The following PTPRD variants were observed in gnomAD, a reference collection of about 807,000 sequenced individuals.
The protein encoded by PTPRD is receptor-type tyrosine-protein phosphatase delta.
In PTPRD, 34 loss-of-function variants were observed where a neutral mutation model predicts 214.5. That is an observed-to-expected ratio of 0.16 (90% confidence interval 0.12 to 0.21). The LOEUF is 0.21. Ranked by LOEUF, PTPRD falls within the 10% of genes least tolerant of loss-of-function variation. The pLI is 1.00. For synonymous variants in PTPRD, 1,128 were observed against 845.7 expected, an observed-to-expected ratio of 1.33 and a Z score of -5.79; for missense variants, 2,545 against 2,398.7, an observed-to-expected ratio of 1.06 and a Z score of -1.27.
chr9:9,712,841 C>G (rs1438883219), intron 7 of PTPRD, among the ~76,000 whole-genome samples: 1 of 152,096 alleles, frequency 6.6e-6, no homozygotes, highest in Non-Finnish European at 1.5e-5. Flanking sequence ...AGAGAAAAAA[C>G]TATTTTATGG....
chr9:10,085,991 C>G (rs900304144), intron 3 of PTPRD, among the ~76,000 whole-genome samples: 1 of 151,632 alleles, frequency 6.6e-6, no homozygotes, highest in African/African-American at 2.4e-5. Flanking sequence ...ATTAAGCAAC[C>G]AGTGGTGGTG....
At chr9:9,598,885 G>A (rs1421097246) in intron 7 of PTPRD, among the ~76,000 whole-genome samples, 1 of 151,954 alleles carries the variant, frequency 6.6e-6, no homozygotes, top group Non-Finnish European at 1.5e-5. Flanking sequence ...TCCTTCTGAA[G>A]CTTCAGAATT....
At chr9:9,423,734 A>C (rs1476809400) in intron 8 of PTPRD, among the ~76,000 whole-genome samples, 1 of 152,220 alleles carries the variant, frequency 6.6e-6, no homozygotes, top group East Asian at 1.9e-4. Context: ...CAGTAACTAT[A>C]ATTAAGAACC....
chr9:10,020,134 T>C (rs543756265), intron 4 of PTPRD, among the ~76,000 whole-genome samples: 365 of 152,290 alleles, frequency 2.4e-3, no homozygotes, highest in Non-Finnish European at 4.3e-3. Context: ...TTAATAAGAA[T>C]ACTATCTTCT....
intron 9 of PTPRD, among the ~76,000 whole-genome samples, chr9:9,183,875 A>G (rs1470059511): frequency 6.6e-6 from 1 of 152,040 alleles, no homozygotes; most frequent in Non-Finnish European, 1.5e-5. Context: ...GGAAAATTCC[A>G]TCTTATAAGC....
intron 5 of PTPRD, among the ~76,000 whole-genome samples, chr9:9,898,267 T>G (rs570284188): frequency 6.6e-6 from 1 of 152,172 alleles, no homozygotes; most frequent in South Asian, 2.1e-4. Context: ...AAAGTAACCA[T>G]TTCATTTTGG....
Position 10,098,236 on chromosome 9 carries a change from C to A in PTPRD, c.-544-64446G>T, listed in dbSNP as rs534096127. 2.1e-4 allele frequency among the ~76,000 whole-genome samples: 32 copies of A among 150,946 alleles called. No individual in the cohort carries two copies. The East Asian group carries it at 6.4e-3, about 30-fold the overall frequency. ...GAAACCGTCATTCTCAGCAAACTAT[C>A]GCAAGGACAAAAAACCAAACACCGC... On this transcript the variant is annotated intron_variant, in intron 3 of 45. Coordinates refer to ENST00000381196, the MANE Select transcript of PTPRD (RefSeq NM_002839.4).
chr9:8,411,435 C>G (rs961254246), intron 35 of PTPRD, among the ~76,000 whole-genome samples: 1 of 152,100 alleles, frequency 6.6e-6, no homozygotes, highest in African/African-American at 2.4e-5. Flanking sequence ...TCCCAAGTAG[C>G]TGGGATTACA....
intron 2 of PTPRD, among the ~76,000 whole-genome samples, chr9:10,610,020 G>A (rs1316348875): frequency 6.6e-6 from 1 of 152,076 alleles, no homozygotes; most frequent in East Asian, 1.9e-4. Flanking sequence ...CCTGCAGACT[G>A]CTTATGTATT....
At chr9:8,997,715 G>A (rs568624000) in intron 11 of PTPRD, among the ~76,000 whole-genome samples, 80 of 152,072 alleles carry the variant, frequency 5.3e-4, no homozygotes, top group Non-Finnish European at 9.4e-4. Flanking sequence ...AAATGATTAG[G>A]CTTGATGAGG....
intron 2 of PTPRD, among the ~76,000 whole-genome samples, chr9:10,547,335 C>T (rs942911375): frequency 1.3e-5 from 2 of 151,746 alleles, no homozygotes; most frequent in Admixed American, 6.6e-5. Flanking sequence ...TAAGTCACTG[C>T]CAGATTTGGT....
At chr9:8,928,816 TC>T (rs2098923364) in intron 11 of PTPRD, among the ~76,000 whole-genome samples, 1 of 152,164 alleles carries the variant, frequency 6.6e-6, no homozygotes, top group Non-Finnish European at 1.5e-5. Context: ...ATTCTTCCTA[TC>T]CATGAGGATG....
intron 11 of PTPRD, among the ~76,000 whole-genome samples, chr9:8,882,491 C>T (rs1467763996): frequency 6.6e-6 from 1 of 152,088 alleles, no homozygotes; most frequent in African/African-American, 2.4e-5. Flanking sequence ...TAGCAGAGAA[C>T]CAGAATCTTT....
At chr9:8,846,149 CT>C (rs1654433405) in intron 11 of PTPRD, among the ~76,000 whole-genome samples, 1 of 152,062 alleles carries the variant, frequency 6.6e-6, no homozygotes, top group South Asian at 2.1e-4. Flanking sequence ...TGGTAAGGAA[CT>C]AGGTAAATGA....
intron 14 of PTPRD, among the ~76,000 whole-genome samples, chr9:8,618,734 T>C (rs1231868658): frequency 6.6e-6 from 1 of 151,940 alleles, no homozygotes; most frequent in African/African-American, 2.4e-5. Context: ...TATTGCTCTG[T>C]TGCCCAGGCT....
intron 11 of PTPRD, among the ~76,000 whole-genome samples, chr9:8,985,579 C>T (rs1015988925): frequency 6.6e-5 from 10 of 151,178 alleles, no homozygotes; most frequent in East Asian, 3.9e-4. Flanking sequence ...AGATTATACA[C>T]GCAGGGATAG....
chr9:10,361,507 C>A (rs2097391412), intron 2 of PTPRD, among the ~76,000 whole-genome samples: 1 of 152,016 alleles, frequency 6.6e-6, no homozygotes. Context: ...AAAAAAGGGG[C>A]TGAAAGGCCA....
At chr9:8,737,563 T>G (rs2090764168) in intron 11 of PTPRD, among the ~76,000 whole-genome samples, 1 of 151,652 alleles carries the variant, frequency 6.6e-6, no homozygotes, top group African/African-American at 2.4e-5. Flanking sequence ...ATATTAAAAG[T>G]ACCACGTTTT....
At chr9:9,345,372 T>C (rs1170455625) in intron 9 of PTPRD, among the ~76,000 whole-genome samples, 1 of 152,020 alleles carries the variant, frequency 6.6e-6, no homozygotes, top group African/African-American at 2.4e-5. Flanking sequence ...GTTTTTTTGA[T>C]CAGTATGAGA....
Sources: allele counts gnomAD v4.1 joint callset (sites outside exome capture counted in the v4.1 genomes callset), GRCh38; gene constraint gnomAD v4.1.1; transcripts MANE v1.5; gene names NCBI Gene and HGNC (gene_info 2026-07-23, HGNC 2026-07-21).